The following DTD1 variants were observed in gnomAD, a reference collection of about 807,000 sequenced individuals.
The protein encoded by DTD1 is D-tyrosyl-tRNA deacylase 1 homolog.
In DTD1, 13 loss-of-function variants were observed where a neutral mutation model predicts 25.6. The observed-to-expected ratio is 0.51, with a 90% confidence interval of 0.33 to 0.81. The LOEUF is 0.81. Ranked by LOEUF, DTD1 falls within the 30% of genes least tolerant of loss-of-function variation. The pLI is 0.02. For synonymous variants in DTD1, 110 were observed against 103.6 expected, an observed-to-expected ratio of 1.06 and a Z score of -0.37; for missense variants, 193 against 266.4, an observed-to-expected ratio of 0.72 and a Z score of 1.92.
chr20:18,597,440 G>A (rs897133823), intron 3 of DTD1, among the ~76,000 whole-genome samples: 3 of 152,042 alleles, frequency 2.0e-5, no homozygotes, highest in African/African-American at 7.3e-5. Context: ...TAAGAGTTGT[G>A]CAACCATTGC....
At chr20:18,723,616 G>T (rs1568681888) in intron 4 of DTD1, among the ~76,000 whole-genome samples, 1 of 152,174 alleles carries the variant, frequency 6.6e-6, no homozygotes, top group Non-Finnish European at 1.5e-5. Context: ...CAGTACACTT[G>T]GTTTTGTATG....
chr20:18,758,602 T>A (rs528428262), intron 5 of DTD1, among the ~76,000 whole-genome samples: 1 of 152,370 alleles, frequency 6.6e-6, no homozygotes, highest in Non-Finnish European at 1.5e-5. Flanking sequence ...TTCTGAATCC[T>A]GAGTTCTAGT....
intron 4 of DTD1, among the ~76,000 whole-genome samples, chr20:18,672,400 A>C (rs561531886): frequency 2.6e-5 from 4 of 152,084 alleles, no homozygotes; most frequent in Non-Finnish European, 4.4e-5. Flanking sequence ...TGCTTGTTTC[A>C]CATGCCATAG....
intron 4 of DTD1, among the ~76,000 whole-genome samples, chr20:18,659,799 T>C (rs997792008): frequency 6.6e-6 from 1 of 151,994 alleles, no homozygotes; most frequent in Non-Finnish European, 1.5e-5. Flanking sequence ...AAATACCTAA[T>C]GCATACGGGG....
chr20:18,710,978 GA>G (rs1878027660), intron 4 of DTD1, among the ~76,000 whole-genome samples: 1 of 152,196 alleles, frequency 6.6e-6, no homozygotes, highest in Admixed American at 6.5e-5. Flanking sequence ...GACAGTACTT[GA>G]ATTTTTCGTG....
intron 4 of DTD1, among the ~76,000 whole-genome samples, chr20:18,667,774 C>T (rs1470702923): frequency 6.6e-6 from 1 of 152,136 alleles, no homozygotes; most frequent in Non-Finnish European, 1.5e-5. Flanking sequence ...CACAGAAAGC[C>T]CCCCACCTGA....
At chr20:18,624,234 A>AGCCCAGC (rs2122303432) in intron 3 of DTD1, among the ~76,000 whole-genome samples, 1 of 152,304 alleles carries the variant, frequency 6.6e-6, no homozygotes, top group South Asian at 2.1e-4. Context: ...CACAGTGCCC[A>AGCCCAGC]GCCCAGCACA....
At chr20:18,737,798 G>A (rs2061262189) in intron 4 of DTD1, among the ~76,000 whole-genome samples, 1 of 152,258 alleles carries the variant, frequency 6.6e-6, no homozygotes, top group Non-Finnish European at 1.5e-5. Flanking sequence ...AAGGATGGAC[G>A]AATTGAGTCC....
chr20:18,612,734 C>T (rs1159233364), intron 3 of DTD1, among the ~76,000 whole-genome samples: 2 of 152,104 alleles, frequency 1.3e-5, no homozygotes, highest in Non-Finnish European at 1.5e-5. Flanking sequence ...TCTGGGCTCA[C>T]TGCAACCTCC....
intron 4 of DTD1, among the ~76,000 whole-genome samples, chr20:18,658,764 A>T (rs1470213587): frequency 6.6e-6 from 1 of 152,152 alleles, no homozygotes; most frequent in African/African-American, 2.4e-5. Context: ...CTTTATTAAC[A>T]CTCCCCATGT....
chr20:18,744,353 A>G, intron 5 of DTD1, 82 bp downstream of exon 5: 1 of 1,398,846 alleles, frequency 7.1e-7, no homozygotes, highest in Admixed American at 2.3e-5. Flanking sequence ...GCTGAGGCTG[A>G]ATTCATTCAT....
chr20:18,747,035 A>T (rs181078296), intron 5 of DTD1, among the ~76,000 whole-genome samples: 1 of 152,206 alleles, frequency 6.6e-6, no homozygotes, highest in African/African-American at 2.4e-5. Context: ...CCAAAACTTC[A>T]TGATAATTCA....
Position 18,603,710 on chromosome 20 carries a change from C to A in DTD1, c.370+7469C>A, listed in dbSNP as rs200839352. ...AACGAAATGAAGGCAGAAATAAAGA[C>A]GTTCTTTGAAACCAACGAGAACAAA... On this transcript the variant is annotated intron_variant, in intron 3 of 5. Transcript: ENST00000377452. 1.5e-5 allele frequency among the ~76,000 whole-genome samples: 2 copies of A among 133,486 alleles called. 1 individual carries two copies. Among genetic ancestry groups the A allele is most frequent in the Non-Finnish European group, 3.3e-5 (2 of 61,332 alleles). The allele number at this position is 133,486 out of a possible 152,430, so 87.6% of individuals were successfully genotyped here.
At chr20:18,668,629 G>C (rs979420856) in intron 4 of DTD1, among the ~76,000 whole-genome samples, 2 of 152,134 alleles carry the variant, frequency 1.3e-5, no homozygotes, top group African/African-American at 4.8e-5. Context: ...TCAGGGGATA[G>C]AGACTGAGCC....
intron 4 of DTD1, among the ~76,000 whole-genome samples, chr20:18,636,551 G>C (rs1158975882): frequency 5.9e-5 from 9 of 152,218 alleles, no homozygotes; most frequent in African/African-American, 2.2e-4. Flanking sequence ...GCTTGCCGCA[G>C]TATAGGTGTA....
chr20:18,668,539 C>A (rs991274266), intron 4 of DTD1, among the ~76,000 whole-genome samples: 16 of 152,130 alleles, frequency 1.1e-4, no homozygotes, highest in African/African-American at 3.9e-4. Flanking sequence ...CCTCTGTTGT[C>A]GGTGAAGTTA....
chr20:18,644,979 C>G (rs906269211), intron 4 of DTD1, among the ~76,000 whole-genome samples: 3 of 152,090 alleles, frequency 2.0e-5, no homozygotes, highest in Non-Finnish European at 4.4e-5. Context: ...GACTCCATCT[C>G]TACAAATAAT....
At chr20:18,599,326 C>T (rs1264921850) in intron 3 of DTD1, among the ~76,000 whole-genome samples, 1 of 152,008 alleles carries the variant, frequency 6.6e-6, no homozygotes, top group Non-Finnish European at 1.5e-5. Context: ...AGGTGCGTGC[C>T]ACCACACCTG....
intron 4 of DTD1, among the ~76,000 whole-genome samples, chr20:18,727,235 T>C (rs1424911498): frequency 6.6e-6 from 1 of 151,692 alleles, no homozygotes; most frequent in Non-Finnish European, 1.5e-5. Flanking sequence ...GGGGGTGAGG[T>C]GTTGTTTAGT....
Sources: allele counts gnomAD v4.1 joint callset (sites outside exome capture counted in the v4.1 genomes callset), GRCh38; gene constraint gnomAD v4.1.1; transcripts MANE v1.5; gene names NCBI Gene and HGNC (gene_info 2026-07-23, HGNC 2026-07-21).